STIM1: variants seen among roughly 807,000 people sequenced by gnomAD.
The protein encoded by STIM1 is stromal interaction molecule 1.
Under a neutral mutation model 74.7 loss-of-function variants are expected in STIM1, and 25 were observed. The observed-to-expected ratio is 0.33, with a 90% CI of 0.24 to 0.47. STIM1 has a LOEUF of 0.47. STIM1 is among the 20% of genes least tolerant of loss of function. The probability of loss-of-function intolerance (pLI) is 1.00; values close to 1 mark genes in which losing one functional copy is unlikely to be tolerated. For synonymous variants in STIM1, 328 were observed against 348.8 expected (o/e 0.94, Z 0.66); for missense variants, 728 against 920.8 (o/e 0.79, Z 2.71).
At chr11:3,920,934 T>C (rs2092709444) in intron 1 of STIM1, among the ~76,000 whole-genome samples, 1 of 151,778 alleles carries the variant, frequency 6.6e-6, no homozygotes, top group African/African-American at 2.4e-5. Flanking sequence ...TAGCTGGCAT[T>C]ATAGGCACCC....
intron 1 of STIM1, among the ~76,000 whole-genome samples, chr11:3,955,113 C>A (rs543452656): frequency 6.6e-6 from 1 of 152,276 alleles, no homozygotes; most frequent in East Asian, 1.9e-4. Context: ...GTAACAGAAG[C>A]TAGGCACAAA....
At chr11:3,965,509 AATATGCAATT>A (rs1169543574) in intron 1 of STIM1, among the ~76,000 whole-genome samples, 1 of 152,224 alleles carries the variant, frequency 6.6e-6, no homozygotes, top group Non-Finnish European at 1.5e-5. Context: ...AAAAAGCTCT[AATATGCAATT>A]ATATATGTTT....
chr11:3,954,468 C>G (rs543481355), intron 1 of STIM1, among the ~76,000 whole-genome samples: 2 of 152,266 alleles, frequency 1.3e-5, no homozygotes, highest in East Asian at 3.9e-4. Context: ...CACTATGGAG[C>G]TTTCAATTTA....
At chr11:4,046,465 A>G (rs2094194665) in intron 3 of STIM1, among the ~76,000 whole-genome samples, 2 of 152,146 alleles carry the variant, frequency 1.3e-5, no homozygotes, top group South Asian at 4.1e-4. Context: ...ATGCCTCTGC[A>G]AATAGTCTAA....
chr11:4,054,323 T>C (rs2094270234), intron 3 of STIM1, among the ~76,000 whole-genome samples: 1 of 152,144 alleles, frequency 6.6e-6, no homozygotes, highest in Non-Finnish European at 1.5e-5. Context: ...AGCATGGTAG[T>C]CAAGACTCTT....
At chr11:3,894,598 G>T (rs2135392240) in intron 1 of STIM1, among the ~76,000 whole-genome samples, 1 of 152,298 alleles carries the variant, frequency 6.6e-6, no homozygotes, top group Middle Eastern at 3.4e-3. Context: ...GGGCCTGGCT[G>T]GTCAGGCTTT....
chr11:3,946,108 A>G (rs1234849933), intron 1 of STIM1, among the ~76,000 whole-genome samples: 1 of 152,206 alleles, frequency 6.6e-6, no homozygotes, highest in Non-Finnish European at 1.5e-5. Flanking sequence ...AGGGATGAAT[A>G]TCCCAACTAT....
chr11:4,023,898 A>G lies in STIM1; in HGVS notation c.296A>G (p.His99Arg). ...TTCCTGAGGGAAGACCTCAATTACC[A>G]TGACCCAACAGTGAAACACAGCACC... ...DEFLREDLNY[H>R]DPTVKHSTFH... Residue 99 changes from histidine to arginine, a missense_variant, in exon 3 of 13, where the codon CAT becomes CGT. His to Arg is a conservative substitution (Grantham distance 29). This residue lies in a region of STIM1 where 51 missense variants were observed against 101.1 expected (regional missense o/e 0.50). Transcript: ENST00000526596. The G allele has an allele frequency of 6.2e-7, 1 of 1,614,052 alleles. No individual in the cohort carries two copies.
intron 1 of STIM1, among the ~76,000 whole-genome samples, chr11:3,895,866 TC>T (rs1435106318): frequency 3.3e-5 from 3 of 90,114 alleles, no homozygotes; most frequent in African/African-American, 5.8e-5. Flanking sequence ...TCTCTCTCTC[TC>T]TTTCTTTTCT....
At chr11:3,963,028 A>C (rs911496749) in intron 1 of STIM1, among the ~76,000 whole-genome samples, 2 of 152,184 alleles carry the variant, frequency 1.3e-5, no homozygotes, top group African/African-American at 4.8e-5. Flanking sequence ...AATCTTACTG[A>C]GGCAGTTTGC....
intron 2 of STIM1, among the ~76,000 whole-genome samples, chr11:4,023,237 G>A (rs2093972518): frequency 6.6e-6 from 1 of 152,148 alleles, no homozygotes; most frequent in African/African-American, 2.4e-5. Context: ...GCTGAGACAA[G>A]AGAATTGCTT....
At chr11:4,058,149 C>G (rs1358347899) in intron 4 of STIM1, among the ~76,000 whole-genome samples, 1 of 152,160 alleles carries the variant, frequency 6.6e-6, no homozygotes, top group South Asian at 2.1e-4. Flanking sequence ...AGAGGAACCC[C>G]AAGAACTCCC....
At chr11:3,999,338 A>G (rs2093690905) in intron 2 of STIM1, among the ~76,000 whole-genome samples, 1 of 152,268 alleles carries the variant, frequency 6.6e-6, no homozygotes, top group Non-Finnish European at 1.5e-5. Flanking sequence ...TCTCAAAACC[A>G]ACAAACAGCA....
At chr11:3,981,503 T>C (rs1404009179) in intron 2 of STIM1, among the ~76,000 whole-genome samples, 6 of 152,366 alleles carry the variant, frequency 3.9e-5, no homozygotes, top group Non-Finnish European at 2.9e-5. Flanking sequence ...AAAACAAAGA[T>C]ACTATCTTAT....
chr11:3,943,292 T>C (rs575625021), intron 1 of STIM1, among the ~76,000 whole-genome samples: 61 of 152,316 alleles, frequency 4.0e-4, no homozygotes, highest in Admixed American at 2.1e-3. Flanking sequence ...TGGGGACTAC[T>C]CACATGATAA....
At chr11:4,070,331 C>G in intron 6 of STIM1, 128 bp downstream of exon 6, 1 of 1,050,886 alleles carries the variant, frequency 9.5e-7, no homozygotes. Context: ...CATCATCCTT[C>G]CAAAACTGCA....
At chr11:4,064,758 T>C (rs984511917) in intron 5 of STIM1, among the ~76,000 whole-genome samples, 2 of 152,300 alleles carry the variant, frequency 1.3e-5, no homozygotes, top group Admixed American at 1.3e-4. Flanking sequence ...GTAGATGGCA[T>C]GCTTAATCCT....
At chr11:3,973,305 C>A (rs573712764) in intron 2 of STIM1, 4 of 463,898 alleles carry the variant, frequency 8.6e-6, no homozygotes, top group South Asian at 6.7e-5. Context: ...GTTTCCAGAA[C>A]CATTTCGACC....
chr11:3,912,903 G>A (rs1219910044), intron 1 of STIM1, among the ~76,000 whole-genome samples: 1 of 152,126 alleles, frequency 6.6e-6, no homozygotes, highest in African/African-American at 2.4e-5. Flanking sequence ...TCTATATCAT[G>A]TACTTAAAAA....
Sources: allele counts gnomAD v4.1 joint callset (sites outside exome capture counted in the v4.1 genomes callset), GRCh38; gene constraint gnomAD v4.1.1; regional missense constraint gnomAD v4.1.1; transcripts MANE v1.5; gene names NCBI Gene and HGNC (gene_info 2026-07-23, HGNC 2026-07-21).